The following CLASP2 variants were observed in gnomAD, a reference collection of about 807,000 sequenced individuals.
CLASP2 encodes cytoplasmic linker associated protein 2, also known as CLIP-associating protein 2.
Under a neutral mutation model 194.4 loss-of-function variants are expected in CLASP2, and 47 were observed. The observed-to-expected ratio is 0.24, with a 90% CI of 0.19 to 0.31. CLASP2 has a LOEUF of 0.31. Among genes scored for constraint, CLASP2 ranks in the 10% least tolerant of loss-of-function variants. The probability of loss-of-function intolerance (pLI) is 1.00; values close to 1 mark genes in which losing one functional copy is unlikely to be tolerated. For synonymous variants in CLASP2, 619 were observed against 633.5 expected (o/e 0.98, Z 0.34); for missense variants, 1,445 against 1,823.6 (o/e 0.79, Z 3.78).
chr3:33,649,900 G>A (rs1194944151), intron 7 of CLASP2, among the ~76,000 whole-genome samples: 1 of 152,176 alleles, frequency 6.6e-6, no homozygotes, highest in Non-Finnish European at 1.5e-5. Flanking sequence ...GCTCAGACTG[G>A]TAGTACTCCC....
At chr3:33,662,599 C>T (rs970732419) in intron 7 of CLASP2, among the ~76,000 whole-genome samples, 4 of 152,052 alleles carry the variant, frequency 2.6e-5, no homozygotes, top group Non-Finnish European at 4.4e-5. Flanking sequence ...TTGGTTTAAC[C>T]CAAAGAACAG....
intron 7 of CLASP2, among the ~76,000 whole-genome samples, chr3:33,654,104 T>G (rs916022118): frequency 5.3e-5 from 8 of 151,024 alleles, no homozygotes; most frequent in Non-Finnish European, 1.2e-4. Flanking sequence ...CCACAACTTG[T>G]GATTCTCAGA....
chr3:33,602,553 T>G lies in CLASP2; in HGVS notation c.1924+399A>C, dbSNP rs574267189. On this transcript the variant is annotated intron_variant, in intron 18 of 38. Coordinates refer to ENST00000682230, the MANE Select transcript of CLASP2 (RefSeq NM_001365631.1). ...AGGGTTTGGTTAGACAGAGTAGAGCTTTGCAGTTCTCCCAGATCTCCAAAA... is the reference window on the plus strand; with the variant it reads ...AGGGTTTGGTTAGACAGAGTAGAGCGTTGCAGTTCTCCCAGATCTCCAAAA... 7.5e-5 allele frequency: 57 copies of G among 763,344 alleles called. No homozygotes were observed. In the African/African-American group the frequency reaches 9.1e-4, roughly 12 times the overall value. The allele number at this position is 763,344 out of a possible 1,614,324, so 47.3% of individuals were successfully genotyped here. A position where few individuals can be genotyped will look rare whatever the true frequency, so the allele number is the denominator to read the frequency against.
chr3:33,582,025 C>A, intron 22 of CLASP2, 97 bp from the exon 23 acceptor site: 1 of 663,320 alleles, frequency 1.5e-6, no homozygotes, highest in Non-Finnish European at 2.6e-6. Context: ...AAAGACTGAA[C>A]AGTAACTTAA....
In CLASP2 at chr3:33,562,488, C is replaced by T. The variant is rs567209051; in HGVS notation, c.2767-1517G>A. 3.9e-5 allele frequency among the ~76,000 whole-genome samples: 6 copies of T among 152,268 alleles called. No individual in the cohort carries two copies. In the East Asian group the frequency reaches 1.2e-3, roughly 29 times the overall value. On this transcript the variant is annotated intron_variant, in intron 27 of 38. Transcript: ENST00000682230. ...GTCATGTGCTGGCATCAGTTTGCACCTGTCTAGAGAGTCAATTGTTAAATA... is the reference window on the plus strand; with the variant it reads ...GTCATGTGCTGGCATCAGTTTGCACTTGTCTAGAGAGTCAATTGTTAAATA...
At chr3:33,501,067 AAGTACTGGT>A (rs1490800956) in intron 38 of CLASP2, among the ~76,000 whole-genome samples, 14 of 152,214 alleles carry the variant, frequency 9.2e-5, no homozygotes, top group Non-Finnish European at 1.6e-4. Context: ...ATGAATTTTA[AAGTACTGGT>A]AGTAGCAATC....
rs1405411834 is a variant in CLASP2 at position 33,667,073 on chromosome 3, G to C, written c.645-3558C>G. Among the ~76,000 whole-genome samples, 4 of 152,124 alleles carry C rather than the reference G, an allele frequency of 2.6e-5. No homozygotes were observed. In the East Asian group the frequency reaches 5.8e-4, roughly 22 times the overall value. ...GGGTTATCTGTCCTTTTACTATTGA[G>C]TTGTAAAGAGCCCCTTATAACAGTC... On this transcript the variant is annotated intron_variant, in intron 6 of 38. Coordinates refer to ENST00000682230, the MANE Select transcript of CLASP2 (RefSeq NM_001365631.1).
intron 8 of CLASP2, among the ~76,000 whole-genome samples, chr3:33,638,541 T>C (rs1054149513): frequency 2.6e-5 from 4 of 152,096 alleles, no homozygotes; most frequent in African/African-American, 4.8e-5. Context: ...CTCCTGACCT[T>C]GTTAGCCGCC....
chr3:33,519,541 C>T (rs184371410), intron 34 of CLASP2, among the ~76,000 whole-genome samples: 1 of 151,928 alleles, frequency 6.6e-6, no homozygotes. Flanking sequence ...AAAATCAGAA[C>T]AGAAATAGAG....
At chr3:33,694,889 G>A (rs2091709648) in intron 2 of CLASP2, among the ~76,000 whole-genome samples, 1 of 151,922 alleles carries the variant, frequency 6.6e-6, no homozygotes, top group Admixed American at 6.6e-5. Context: ...GCTGCAGTGA[G>A]CCACGATCAT....
intron 6 of CLASP2, among the ~76,000 whole-genome samples, chr3:33,674,686 C>T (rs1244699427): frequency 6.6e-6 from 1 of 151,952 alleles, no homozygotes; most frequent in Non-Finnish European, 1.5e-5. Context: ...GATAAGACTG[C>T]TAGCAAGACT....
chr3:33,717,931 G>C lies in CLASP2; in HGVS notation c.72C>G (p.Val24=). The part of the protein sequence containing the change: ...QQKDVGGRLQ[V]GQELLLYLGA... ...CAAGGTAGAGCAGGAGCTCCTGGCCGACCTGCAGCCGGCCGCCGACGTCCT... is the reference window on the plus strand; with the variant it reads ...CAAGGTAGAGCAGGAGCTCCTGGCCCACCTGCAGCCGGCCGCCGACGTCCT... The change falls in exon 1 of 39, where the codon GTC becomes GTG. Residue 24 remains valine (V), a synonymous_variant. Transcript: ENST00000682230. The C allele has an allele frequency of 6.5e-7, 1 of 1,549,504 alleles. No individual in the cohort carries two copies. Among genetic ancestry groups the C allele is most frequent in the Admixed American group, 2.0e-5 (1 of 51,042 alleles).
intron 11 of CLASP2, among the ~76,000 whole-genome samples, chr3:33,621,237 C>G (rs2077057567): frequency 6.6e-6 from 1 of 152,110 alleles, no homozygotes; most frequent in Non-Finnish European, 1.5e-5. Context: ...TCCACTCCTA[C>G]CCTGTCTGCT....
intron 37 of CLASP2, among the ~76,000 whole-genome samples, chr3:33,505,773 A>G (rs955786930): frequency 1.3e-5 from 2 of 152,176 alleles, no homozygotes; most frequent in African/African-American, 4.8e-5. Flanking sequence ...AAGTTTTCTT[A>G]TTTGGCTTGG....
At chr3:33,516,480 C>CATG (rs1257929702) in intron 35 of CLASP2, among the ~76,000 whole-genome samples, 1 of 152,030 alleles carries the variant, frequency 6.6e-6, no homozygotes, top group Non-Finnish European at 1.5e-5. Flanking sequence ...CCAGCCTGGC[C>CATG]AACATGGTGA....
intron 9 of CLASP2, 24 bp downstream of exon 9, chr3:33,632,268 G>C: frequency 6.7e-7 from 1 of 1,491,882 alleles, no homozygotes; most frequent in Non-Finnish European, 9.1e-7. Context: ...CAATATTCAC[G>C]GGGAGTGCCA....
At chr3:33,500,088 A>G (rs1314051468) in intron 38 of CLASP2, among the ~76,000 whole-genome samples, 6 of 151,920 alleles carry the variant, frequency 3.9e-5, no homozygotes, top group Admixed American at 3.9e-4. Context: ...GCTGGAATGC[A>G]GTGGTGTGAT....
chr3:33,600,294 G>A (rs995777984), intron 18 of CLASP2, among the ~76,000 whole-genome samples: 2 of 152,034 alleles, frequency 1.3e-5, no homozygotes, highest in Non-Finnish European at 1.5e-5. Flanking sequence ...TCTTGTTACT[G>A]ATCTTAGGGA....
intron 5 of CLASP2, 48 bp downstream of exon 5, chr3:33,687,012 A>C: frequency 1.8e-6 from 2 of 1,094,128 alleles, no homozygotes; most frequent in Non-Finnish European, 2.6e-6. Context: ...TAGAAAAGAA[A>C]TGGTAGCCAA....
Sources: allele counts gnomAD v4.1 joint callset (sites outside exome capture counted in the v4.1 genomes callset), GRCh38; gene constraint gnomAD v4.1.1; transcripts MANE v1.5; gene names NCBI Gene and HGNC (gene_info 2026-07-23, HGNC 2026-07-21).